The following SLC35F1 variants were observed in gnomAD, a reference collection of about 807,000 sequenced individuals.
SLC35F1 encodes chromosome 6 open reading frame 169.
Under a neutral mutation model 48.7 loss-of-function variants are expected in SLC35F1, and 14 were observed. The ratio of observed to expected loss-of-function variants is 0.29; its 90% CI spans 0.19 to 0.45. The LOEUF (loss-of-function observed/expected upper bound fraction) is 0.45. Ranked by LOEUF, SLC35F1 falls within the 20% of genes least tolerant of loss-of-function variation. SLC35F1 has a pLI of 1.00. For missense variants in SLC35F1, 404 were observed against 500.0 expected, an observed-to-expected ratio of 0.81 and a Z score of 1.83; for synonymous variants, 190 against 202.2, an observed-to-expected ratio of 0.94 and a Z score of 0.51.
chr6:118,290,798 A>ATTTTT (rs67467513), intron 7 of SLC35F1, among the ~76,000 whole-genome samples: 8 of 142,374 alleles, frequency 5.6e-5, no homozygotes, highest in Admixed American at 1.4e-4. Context: ...AAAATCGACT[A>ATTTTT]TTTTTTTTTT....
At chr6:118,243,736 G>C (rs1775469501) in intron 3 of SLC35F1, among the ~76,000 whole-genome samples, 1 of 152,194 alleles carries the variant, frequency 6.6e-6, no homozygotes, top group Non-Finnish European at 1.5e-5. Flanking sequence ...GGATGAGCCA[G>C]AGAGAAAGCT....
chr6:118,194,265 T>C (rs1027834963), intron 2 of SLC35F1, among the ~76,000 whole-genome samples: 1 of 151,996 alleles, frequency 6.6e-6, no homozygotes, highest in Non-Finnish European at 1.5e-5. Context: ...GAAAGGAAAA[T>C]TCAAGAAGAG....
intron 3 of SLC35F1, among the ~76,000 whole-genome samples, chr6:118,240,612 C>T (rs1245147254): frequency 3.3e-5 from 5 of 152,164 alleles, no homozygotes; most frequent in African/African-American, 1.2e-4. Context: ...CGAATGAAGA[C>T]ATAATCAAGA....
chr6:118,305,531 A>G (rs1326936210), intron 7 of SLC35F1, among the ~76,000 whole-genome samples: 3 of 152,166 alleles, frequency 2.0e-5, no homozygotes, highest in African/African-American at 7.2e-5. Context: ...GACAATAATA[A>G]TAAGGTGCTA....
intron 1 of SLC35F1, among the ~76,000 whole-genome samples, chr6:118,019,629 A>G (rs1167019248): frequency 2.6e-5 from 4 of 152,242 alleles, no homozygotes; most frequent in Non-Finnish European, 5.9e-5. Flanking sequence ...CTCAAAAAAA[A>G]AAAGAAATGG....
chr6:118,144,135 T>C (rs2114448445), intron 1 of SLC35F1, among the ~76,000 whole-genome samples: 1 of 152,270 alleles, frequency 6.6e-6, no homozygotes, highest in Admixed American at 6.5e-5. Flanking sequence ...GATACATTCA[T>C]GCGTATGTTC....
chr6:117,925,622 A>T (rs1776017800), intron 1 of SLC35F1, among the ~76,000 whole-genome samples: 2 of 151,918 alleles, frequency 1.3e-5, no homozygotes, highest in African/African-American at 4.8e-5. Flanking sequence ...CACCTCTTTT[A>T]CTCTGGCCTG....
At chr6:118,013,224 G>A (rs1223888914) in intron 1 of SLC35F1, among the ~76,000 whole-genome samples, 1 of 152,168 alleles carries the variant, frequency 6.6e-6, no homozygotes, top group Non-Finnish European at 1.5e-5. Context: ...GATGTGATGA[G>A]CTCACCCCAG....
chr6:118,050,250 G>A (rs1207757544), intron 1 of SLC35F1, among the ~76,000 whole-genome samples: 1 of 151,784 alleles, frequency 6.6e-6, no homozygotes. Context: ...AGCATTAGGA[G>A]ATATACCTAA....
At chr6:118,069,393 A>G (rs1408021450) in intron 1 of SLC35F1, among the ~76,000 whole-genome samples, 2 of 152,210 alleles carry the variant, frequency 1.3e-5, no homozygotes, top group African/African-American at 2.4e-5. Context: ...TCTAAAGACC[A>G]GTATTTGCTT....
chr6:118,281,917 A>G (rs919707708), intron 6 of SLC35F1, among the ~76,000 whole-genome samples: 1 of 152,248 alleles, frequency 6.6e-6, no homozygotes, highest in Non-Finnish European at 1.5e-5. Context: ...ATTACTGTAC[A>G]TAAAGTACAT....
chr6:118,224,619 C>A (rs1306195515), intron 2 of SLC35F1, among the ~76,000 whole-genome samples: 2 of 152,140 alleles, frequency 1.3e-5, no homozygotes, highest in African/African-American at 4.8e-5. Flanking sequence ...GAAATCAAGG[C>A]TTAAAGTGAC....
At chr6:118,058,003 A>C (rs73766425) in intron 1 of SLC35F1, among the ~76,000 whole-genome samples, 8,343 of 152,208 alleles carry the variant, frequency 0.055, 788 homozygotes, top group African/African-American at 0.19. Flanking sequence ...GGGCTAGGAA[A>C]GCATCCACGC....
intron 1 of SLC35F1, among the ~76,000 whole-genome samples, chr6:118,038,476 ATATATCTTAAC>A (rs1772165851): frequency 6.6e-6 from 1 of 152,090 alleles, no homozygotes; most frequent in African/African-American, 2.4e-5. Context: ...GGAGTGCTAT[ATATATCTTAAC>A]AATGTTAAAT....
Position 118,295,280 on chromosome 6 carries a change from T to C in SLC35F1, c.1002+9942T>C, listed in dbSNP as rs73518523. ...GAATGATATCCAGACAATATTTATTTATTCTGTACCTGTTATGTGCCAGCC... is the reference window on the plus strand; with the variant it reads ...GAATGATATCCAGACAATATTTATTCATTCTGTACCTGTTATGTGCCAGCC... On this transcript the variant is annotated intron_variant, in intron 7 of 7. Coordinates refer to ENST00000360388, the MANE Select transcript of SLC35F1 (RefSeq NM_001029858.4). Among the ~76,000 whole-genome samples, 337 of 152,336 alleles carry C rather than the reference T, an allele frequency of 2.2e-3. 1 individual carries two copies. The highest frequency in any genetic ancestry group is 7.8e-3 in the African/African-American group (323 of 41,574).
chr6:118,046,698 A>G (rs1772306945), intron 1 of SLC35F1, among the ~76,000 whole-genome samples: 1 of 152,184 alleles, frequency 6.6e-6, no homozygotes, highest in Admixed American at 6.6e-5. Flanking sequence ...AGCACTCCAT[A>G]TATGATAACT....
At chr6:117,999,409 T>G in intron 1 of SLC35F1, 1 of 1,587,262 alleles carries the variant, frequency 6.3e-7, no homozygotes, top group Non-Finnish European at 8.5e-7. Flanking sequence ...CAGCTCAGGC[T>G]CCCAAAGGTA....
At chr6:118,160,190 C>T (rs1774209849) in intron 2 of SLC35F1, among the ~76,000 whole-genome samples, 1 of 152,106 alleles carries the variant, frequency 6.6e-6, no homozygotes, top group Admixed American at 6.6e-5. Flanking sequence ...TATACAGACC[C>T]TGAAAATAAA....
chr6:118,152,288 C>A (rs1774072440), intron 1 of SLC35F1, among the ~76,000 whole-genome samples: 1 of 152,106 alleles, frequency 6.6e-6, no homozygotes, highest in African/African-American at 2.4e-5. Flanking sequence ...GCTGAAAGTG[C>A]TTCATGGAGG....
Sources: allele counts gnomAD v4.1 joint callset (sites outside exome capture counted in the v4.1 genomes callset), GRCh38; gene constraint gnomAD v4.1.1; transcripts MANE v1.5; gene names NCBI Gene and HGNC (gene_info 2026-07-23, HGNC 2026-07-21).